SPOCK3: variants seen among roughly 807,000 people sequenced by gnomAD.
The protein encoded by SPOCK3 is SPARC (osteonectin), cwcv and kazal like domains proteoglycan 3.
In SPOCK3, 30 loss-of-function variants were observed where a neutral mutation model predicts 56.6. The ratio of observed to expected loss-of-function variants is 0.53; its 90% confidence interval spans 0.40 to 0.72. The LOEUF is 0.72. Ranked by LOEUF, SPOCK3 falls within the 30% of genes least tolerant of loss-of-function variation. The probability of loss-of-function intolerance (pLI) is 0.00; values close to 1 mark genes in which losing one functional copy is unlikely to be tolerated. For synonymous variants in SPOCK3, 196 were observed against 183.3 expected, an observed-to-expected ratio of 1.07 and a Z score of -0.56; for missense variants, 527 against 530.0, an observed-to-expected ratio of 0.99 and a Z score of 0.06.
At chr4:167,026,275 C>T (rs907419080) in intron 3 of SPOCK3, among the ~76,000 whole-genome samples, 1 of 151,990 alleles carries the variant, frequency 6.6e-6, no homozygotes, top group African/African-American at 2.4e-5. Flanking sequence ...TTATGTAATT[C>T]AATAAAACTT....
chr4:166,880,234 T>C (rs1028142806), intron 6 of SPOCK3, among the ~76,000 whole-genome samples: 41 of 152,202 alleles, frequency 2.7e-4, no homozygotes, highest in Middle Eastern at 3.2e-3. Flanking sequence ...TGGTCATTTC[T>C]CAGGTGTCAT....
rs577608235 is a variant in SPOCK3, at chr4:167,175,103, T to C, written c.189+58882A>G. 2.6e-5 allele frequency among the ~76,000 whole-genome samples: 4 copies of C among 152,252 alleles called. No homozygotes were observed. The South Asian group carries it at 6.2e-4, about 24-fold the overall frequency. On this transcript the variant is annotated intron_variant, in intron 2 of 10. Coordinates refer to ENST00000357545, the MANE Select transcript of SPOCK3 (RefSeq NM_001040159.2). ...AAATGATGTAGTAACCGCATACTTA[T>C]GGGGACCTCATGGGAAAACATGAGT...
chr4:167,226,342 C>T (rs1736592969), intron 2 of SPOCK3, among the ~76,000 whole-genome samples: 1 of 152,040 alleles, frequency 6.6e-6, no homozygotes, highest in Admixed American at 6.6e-5. Context: ...AGTTTTGGCC[C>T]AGCAAGCACT....
chr4:166,800,161 G>T (rs1253019642), intron 6 of SPOCK3, among the ~76,000 whole-genome samples: 5 of 109,994 alleles, frequency 4.5e-5, no homozygotes, highest in Admixed American at 4.4e-4. Flanking sequence ...CAGCCTGGGC[G>T]ACAGAGAGAG....
At chr4:166,825,404 A>G (rs1745354740) in intron 6 of SPOCK3, among the ~76,000 whole-genome samples, 1 of 152,074 alleles carries the variant, frequency 6.6e-6, no homozygotes, top group Non-Finnish European at 1.5e-5. Context: ...AACACCTTTC[A>G]CAACTTAAAG....
intron 2 of SPOCK3, among the ~76,000 whole-genome samples, chr4:167,152,873 TTTC>T (rs1308832040): frequency 2.6e-5 from 4 of 152,210 alleles, no homozygotes; most frequent in African/African-American, 9.6e-5. Context: ...AATTAATTTT[TTTC>T]TTAAGATGAA....
At chr4:167,210,285 A>G (rs1334679448) in intron 2 of SPOCK3, among the ~76,000 whole-genome samples, 1 of 152,114 alleles carries the variant, frequency 6.6e-6, no homozygotes, top group Non-Finnish European at 1.5e-5. Flanking sequence ...CTCATTCATC[A>G]AAACACAGAT....
At chr4:166,991,637 T>G (rs1747802760) in intron 4 of SPOCK3, among the ~76,000 whole-genome samples, 1 of 152,116 alleles carries the variant, frequency 6.6e-6, no homozygotes, top group Admixed American at 6.6e-5. Context: ...CCCAAAGTGC[T>G]GGGATTACAG....
At chr4:166,921,889 G>A (rs141802242) in intron 4 of SPOCK3, among the ~76,000 whole-genome samples, 6 of 151,920 alleles carry the variant, frequency 3.9e-5, no homozygotes, top group Admixed American at 2.0e-4. Context: ...GTACCTATGC[G>A]CCCTTCTAGA....
intron 3 of SPOCK3, among the ~76,000 whole-genome samples, chr4:167,001,964 T>A (rs564977494): frequency 2.8e-5 from 4 of 143,314 alleles, no homozygotes; most frequent in African/African-American, 1.2e-4. Context: ...TTATTATATT[T>A]TATTTTATTT....
At chr4:167,189,605 CAAAT>C (rs1356226729) in intron 2 of SPOCK3, among the ~76,000 whole-genome samples, 12 of 145,268 alleles carry the variant, frequency 8.3e-5, no homozygotes, top group African/African-American at 2.6e-5. Context: ...CCTCATATCT[CAAAT>C]AGCTACCATT....
intron 5 of SPOCK3, among the ~76,000 whole-genome samples, chr4:166,905,175 A>G (rs1736481773): frequency 6.6e-6 from 1 of 152,062 alleles, no homozygotes; most frequent in Non-Finnish European, 1.5e-5. Context: ...AGCAATTACT[A>G]CAAATATTAC....
At chr4:167,207,125 A>G (rs1734422431) in intron 2 of SPOCK3, among the ~76,000 whole-genome samples, 1 of 152,088 alleles carries the variant, frequency 6.6e-6, no homozygotes, top group African/African-American at 2.4e-5. Flanking sequence ...AAAATAAACT[A>G]TGGATTTTGT....
intron 2 of SPOCK3, among the ~76,000 whole-genome samples, chr4:167,170,213 G>A (rs528857148): frequency 3.2e-4 from 48 of 152,198 alleles, no homozygotes; most frequent in Non-Finnish European, 6.5e-4. Flanking sequence ...TTTCACTATT[G>A]TACATACAAA....
intron 5 of SPOCK3, among the ~76,000 whole-genome samples, chr4:166,900,608 C>T (rs975732880): frequency 6.6e-6 from 1 of 152,140 alleles, no homozygotes; most frequent in Non-Finnish European, 1.5e-5. Context: ...AGTTGGCAGC[C>T]TGTCCAAAGG....
chr4:167,162,006 G>C (rs982027950), intron 2 of SPOCK3, among the ~76,000 whole-genome samples: 1 of 151,778 alleles, frequency 6.6e-6, no homozygotes, highest in African/African-American at 2.4e-5. Flanking sequence ...AAACCTGCAC[G>C]TTGTGCACAT....
At chr4:167,179,284 G>A (rs192733926) in intron 2 of SPOCK3, among the ~76,000 whole-genome samples, 2 of 152,124 alleles carry the variant, frequency 1.3e-5, no homozygotes, top group East Asian at 1.9e-4. Flanking sequence ...ATTTTTATGC[G>A]TCTATGCTAG....
chr4:167,084,922 G>C (rs1167505659), intron 2 of SPOCK3, among the ~76,000 whole-genome samples: 4 of 152,012 alleles, frequency 2.6e-5, no homozygotes, highest in African/African-American at 9.7e-5. Context: ...ACAGCCCCTG[G>C]AAATTCAGTT....
intron 2 of SPOCK3, among the ~76,000 whole-genome samples, chr4:167,181,814 T>G (rs1337004867): frequency 6.6e-6 from 1 of 152,186 alleles, no homozygotes; most frequent in Non-Finnish European, 1.5e-5. Flanking sequence ...CATGTTTGCT[T>G]CTTCTCACTA....
Sources: gnomAD v4.1 joint callset for allele counts (sites outside exome capture counted in the v4.1 genomes callset) on GRCh38, gnomAD v4.1.1 for gene constraint, MANE v1.5 for transcripts, NCBI Gene and HGNC (gene_info 2026-07-23, HGNC 2026-07-21) for gene names.